The following NUMA1 variants were observed in gnomAD, a reference collection of about 807,000 sequenced individuals.
NUMA1 encodes SP-H antigen.
In NUMA1, 62 loss-of-function variants were observed where a neutral mutation model predicts 237.1. The observed-to-expected ratio is 0.26, with a 90% CI of 0.21 to 0.32. NUMA1 has a LOEUF of 0.32. Among genes scored for constraint, NUMA1 ranks in the 10% least tolerant of loss-of-function variants. NUMA1 has a pLI of 1.00. For synonymous variants in NUMA1, 1,028 were observed against 1,066.1 expected, an observed-to-expected ratio of 0.96 and a Z score of 0.70; for missense variants, 2,533 against 2,666.5, an observed-to-expected ratio of 0.95 and a Z score of 1.10.
chr11:72,039,934 G>C (rs1199048444), intron 2 of NUMA1: 1 of 152,116 alleles, frequency 6.6e-6, no homozygotes, highest in Non-Finnish European at 1.5e-5. Flanking sequence ...AGGTTACCCA[G>C]AGGGGCCAAG....
intron 3 of NUMA1, among the ~76,000 whole-genome samples, chr11:72,035,317 G>A (rs1188586641): frequency 2.0e-5 from 3 of 152,166 alleles, no homozygotes. Context: ...TGGTAAGAGA[G>A]TGATGAGAAC....
chr11:72,006,584 C>T (rs1451686636), intron 21 of NUMA1, among the ~76,000 whole-genome samples: 2 of 152,238 alleles, frequency 1.3e-5, no homozygotes, highest in Non-Finnish European at 2.9e-5. Context: ...CCCCAAATCA[C>T]ACTGCTAGGA....
At chr11:72,006,008 T>G in intron 22 of NUMA1, 27 bp downstream of exon 22, 1 of 1,535,380 alleles carries the variant, frequency 6.5e-7, no homozygotes, top group Non-Finnish European at 8.9e-7. Context: ...AATTTTGGGG[T>G]ATAGTAAGTC....
intron 4 of NUMA1, among the ~76,000 whole-genome samples, chr11:72,028,152 A>G (rs1339918245): frequency 6.6e-6 from 1 of 152,238 alleles, no homozygotes; most frequent in Admixed American, 6.5e-5. Context: ...TTGCTGATAG[A>G]GAACACCAAC....
chr11:72,024,292 C>T lies in NUMA1; in HGVS notation c.190G>A (p.Val64Met), dbSNP rs1486143628. The change falls in exon 5 of 27, where the codon GTG (valine) becomes ATG (methionine). Residue 64 changes from valine to methionine, a missense_variant. Physicochemically the swap from Val to Met is conservative, Grantham distance 21. This residue lies in a region of NUMA1 where 1,414 missense variants were observed against 1,508.1 expected (regional missense o/e 0.94). Coordinates refer to ENST00000393695, the MANE Select transcript of NUMA1 (RefSeq NM_006185.4). The stretch of plus-strand genomic sequence containing the variant: ...TGCTTACTCTGCAGAAAACTGCACA[C>T]AAAGTCCAGTCTCTCTGACACCGGC... Reference protein sequence around the residue: ...KQPVSERLDFVCSFLQKNRKH... With the variant: ...KQPVSERLDFMCSFLQKNRKH... The T allele has an allele frequency of 6.2e-7, 1 of 1,614,210 alleles. No homozygotes were observed. Among genetic ancestry groups the T allele is most frequent in the Non-Finnish European group, 8.5e-7 (1 of 1,180,018 alleles).
intron 2 of NUMA1, among the ~76,000 whole-genome samples, chr11:72,052,540 G>C (rs951943255): frequency 2.0e-5 from 3 of 152,176 alleles, no homozygotes; most frequent in African/African-American, 7.2e-5. Context: ...GGCCAAGGCA[G>C]GTGGATCATG....
Position 72,013,267 on chromosome 11 carries a change from C to T in NUMA1, c.4236G>A (p.Leu1412=). The change falls in exon 15 of 27, where the codon CTG becomes CTA. Residue 1412 remains leucine (L), a synonymous_variant. Coordinates refer to ENST00000393695, the MANE Select transcript of NUMA1 (RefSeq NM_006185.4). This position sits in a 1 kb window ranked among gnomAD's most constrained non-coding sequence, Gnocchi z 6.8. ...AQRELGELIP[L]RQKVAEQERT... is the part of the protein sequence containing the mutation. Reference sequence around the variant, plus strand: ...GCTCCTGCTCTGCCACCTTCTGCCGCAGAGGAATCAGCTCCCCAAGCTCCC... The same window carrying T: ...GCTCCTGCTCTGCCACCTTCTGCCGTAGAGGAATCAGCTCCCCAAGCTCCC... 6.2e-7 allele frequency: 1 copy of T among 1,604,736 alleles called. No homozygotes were observed. The highest frequency in any genetic ancestry group is 8.5e-7 in the Non-Finnish European group (1 of 1,179,820).
chr11:72,007,246 A>T lies in NUMA1; in HGVS notation c.5406T>A (p.Arg1802=). The T allele has an allele frequency of 6.2e-7, 1 of 1,613,194 alleles. No homozygotes were observed. Among genetic ancestry groups the T allele is most frequent in the Non-Finnish European group, 8.5e-7 (1 of 1,179,960 alleles). Residue 1802 remains arginine, a synonymous_variant, in exon 21 of 27, where the codon CGT becomes CGA. Transcript: ENST00000393695. ...TGCGCCGACGAGCGGAGCGGGTCTT[A>T]CGACCCGAGTCCAGGAAGACGTCTC... ...SLGDVFLDSG[R]KTRSARRRTT...
At chr11:72,005,510 G>A (rs1031799374) in intron 22 of NUMA1, 141 bp from the exon 23 acceptor site, 8 of 726,884 alleles carry the variant, frequency 1.1e-5, no homozygotes, top group Admixed American at 8.4e-5. Flanking sequence ...TGCCGCAGGT[G>A]CAGGAGTACG....
chr11:72,009,212 G>GGGGGGGGGGGGGGGGGGGGGGGGGGA, intron 18 of NUMA1, 27 bp from the exon 19 acceptor site: 1 of 392,276 alleles, frequency 2.5e-6, no homozygotes, highest in Non-Finnish European at 5.3e-6. Flanking sequence ...TGGGTGGGTG[G>GGGGGGGGGGGGGGGGGGGGGGGGGGA]GGTAGAGGTT....
chr11:72,037,255 C>G (rs1295987384), intron 2 of NUMA1, among the ~76,000 whole-genome samples: 1 of 152,190 alleles, frequency 6.6e-6, no homozygotes, highest in Admixed American at 6.5e-5. Context: ...CCTGTAATCC[C>G]AGCACTTTGA....
At position 72,003,552 on chromosome 11, in the gene NUMA1, A is replaced by T; in HGVS notation, c.6337-14T>A. ...TTAGTGCTTTGCCTGAAAGAGACAC[A>T]GTCACATGGCCAGATGAGAACTTGC... is the stretch of plus-strand genomic sequence containing the variant. On this transcript the variant is annotated splice_polypyrimidine_tract_variant and intron_variant, in intron 26 of 26. Coordinates refer to ENST00000393695, the MANE Select transcript of NUMA1 (RefSeq NM_006185.4). 1.2e-6 allele frequency: 2 copies of T among 1,614,150 alleles called. No individual in the cohort carries two copies. The highest frequency in any genetic ancestry group is 2.2e-5 in the South Asian group (2 of 91,088).
intron 2 of NUMA1, among the ~76,000 whole-genome samples, chr11:72,061,995 C>T (rs1405189983): frequency 6.6e-6 from 1 of 152,172 alleles, no homozygotes; most frequent in East Asian, 1.9e-4. Context: ...CGCTAGGAAG[C>T]AGCTGCACAT....
intron 2 of NUMA1, among the ~76,000 whole-genome samples, chr11:72,061,528 T>C (rs1314474907): frequency 6.8e-6 from 1 of 147,198 alleles, no homozygotes; most frequent in Non-Finnish European, 1.5e-5. Flanking sequence ...CCTCATTCTG[T>C]TGCCCAGGCT....
At chr11:72,023,537 T>G (rs112401880) in intron 5 of NUMA1, among the ~76,000 whole-genome samples, 1 of 152,152 alleles carries the variant, frequency 6.6e-6, no homozygotes, top group African/African-American at 2.4e-5. Flanking sequence ...AAAGGACAAC[T>G]AGGGATACGT....
intron 2 of NUMA1, among the ~76,000 whole-genome samples, chr11:72,043,354 GTTCT>G (rs1664429626): frequency 8.1e-6 from 1 of 122,788 alleles, no homozygotes; most frequent in Admixed American, 9.7e-5. Flanking sequence ...GCCAGGCGGA[GTTCT>G]TTTTTTTTTT....
chr11:72,071,705 A>G (rs1943459289), intron 1 of NUMA1, among the ~76,000 whole-genome samples: 1 of 152,216 alleles, frequency 6.6e-6, no homozygotes, highest in African/African-American at 2.4e-5. Flanking sequence ...ACTTGCTGAA[A>G]TAGGGATTAA....
chr11:72,007,274 A>G lies in NUMA1; in HGVS notation c.5378T>C (p.Leu1793Pro). Residue 1793 changes from leucine (L) to proline (P), a missense_variant, in exon 21 of 27, where the codon CTG becomes CCG. Transcript: ENST00000393695. Reference sequence around the variant, plus strand: ...ACCCGAGTCCAGGAAGACGTCTCCCAGGGAGTCCAGGCTGCTCTCCAGGGG... The same window carrying G: ...ACCCGAGTCCAGGAAGACGTCTCCCGGGGAGTCCAGGCTGCTCTCCAGGGG... ...QAPLESSLDS[L>P]GDVFLDSGRK... 6.8e-6 allele frequency: 11 copies of G among 1,613,250 alleles called. No individual in the cohort carries two copies. The highest frequency in any genetic ancestry group is 9.3e-6 in the Non-Finnish European group (11 of 1,179,632).
Position 72,036,032 on chromosome 11 carries a change from A to T in NUMA1, c.-32-57T>A. ...ATCATATCAGATATCCATGATCAAG[A>T]AATAAAGGCGAAATGGTTCAATTTG... is the stretch of plus-strand genomic sequence containing the variant. On this transcript the variant is annotated intron_variant, in intron 2 of 26. Transcript: ENST00000393695. The T allele has an allele frequency of 2.2e-6, 3 of 1,356,560 alleles. No homozygotes were observed. In the South Asian group the frequency reaches 3.5e-5, roughly 16 times the overall value. 84.0% of individuals were successfully genotyped at this position (1,356,560 alleles called of 1,614,324 possible).
Sources: gnomAD v4.1 joint callset for allele counts (sites outside exome capture counted in the v4.1 genomes callset) on GRCh38, gnomAD v4.1.1 for gene constraint, gnomAD v4.1.1 regional missense constraint, Gnocchi (gnomAD v3.1) non-coding constraint, MANE v1.5 for transcripts, NCBI Gene and HGNC (gene_info 2026-07-23, HGNC 2026-07-21) for gene names.